The following FANCC variants were observed in gnomAD, a reference collection of about 807,000 sequenced individuals.
FANCC encodes Fanconi anemia group C protein.
FANCC carries 55 observed loss-of-function variants against 71.3 expected under a neutral mutation model. The ratio of observed to expected loss-of-function variants is 0.77; its 90% CI spans 0.62 to 0.97. The LOEUF is 0.97. Ranked by LOEUF, FANCC falls within the 50% of genes least tolerant of loss-of-function variation. FANCC has a pLI of 0.00. For missense variants in FANCC, 678 were observed against 670.9 expected (o/e 1.01, Z -0.12); for synonymous variants, 275 against 244.9 (o/e 1.12, Z -1.15).
At chr9:95,205,549 C>A (rs1050630230) in intron 4 of FANCC, among the ~76,000 whole-genome samples, 1 of 151,468 alleles carries the variant, frequency 6.6e-6, no homozygotes, top group African/African-American at 2.4e-5. Flanking sequence ...CTGTGTTTTT[C>A]CAAGTTTTTC....
At chr9:95,120,573 C>G (rs923051892) in intron 10 of FANCC, among the ~76,000 whole-genome samples, 52 of 151,946 alleles carry the variant, frequency 3.4e-4, no homozygotes, top group African/African-American at 1.2e-3. Flanking sequence ...ATCACCATGC[C>G]CAGCTAATTT....
rs1186692644 is a variant in FANCC at position 95,182,989 on chromosome 9, T to G, written c.346-10842A>C. 2.0e-5 allele frequency among the ~76,000 whole-genome samples: 3 copies of G among 152,044 alleles called. No homozygotes were observed. In the East Asian group the frequency reaches 5.8e-4, roughly 29 times the overall value. ...TACTCCAGCCTGCCCCTACATGGCC[T>G]CAGCCCGCCTGCGCAAACTCACTTC... On this transcript the variant is annotated intron_variant, in intron 4 of 14. Transcript: ENST00000289081.
intron 7 of FANCC, among the ~76,000 whole-genome samples, chr9:95,143,791 CAGGA>C (rs1236766890): frequency 1.3e-5 from 2 of 152,158 alleles, no homozygotes; most frequent in African/African-American, 4.8e-5. Flanking sequence ...GCAGCCCGCC[CAGGA>C]AGGTTTTATG....
chr9:95,182,000 C>A (rs1826401819), intron 4 of FANCC, among the ~76,000 whole-genome samples: 1 of 152,128 alleles, frequency 6.6e-6, no homozygotes, highest in Non-Finnish European at 1.5e-5. Context: ...AAAGCTGGAG[C>A]AATGGGTTGT....
At chr9:95,144,692 C>A (rs1829282596) in intron 7 of FANCC, among the ~76,000 whole-genome samples, 1 of 152,174 alleles carries the variant, frequency 6.6e-6, no homozygotes, top group Admixed American at 6.5e-5. Flanking sequence ...AAGGGAGCTG[C>A]CACAGTGAAA....
intron 7 of FANCC, among the ~76,000 whole-genome samples, chr9:95,143,833 C>T (rs1489198049): frequency 1.3e-5 from 2 of 152,184 alleles, no homozygotes; most frequent in African/African-American, 2.4e-5. Flanking sequence ...GTGCCTATGA[C>T]GGCAGCCCCA....
At chr9:95,274,983 G>C (rs1392707979) in intron 1 of FANCC, among the ~76,000 whole-genome samples, 1 of 151,934 alleles carries the variant, frequency 6.6e-6, no homozygotes, top group African/African-American at 2.4e-5. Context: ...AATAAAAACA[G>C]GCCAGGCGTG....
intron 1 of FANCC, among the ~76,000 whole-genome samples, chr9:95,251,396 A>G (rs1588357903): frequency 1.3e-5 from 2 of 151,908 alleles, no homozygotes; most frequent in Admixed American, 6.6e-5. Flanking sequence ...GTTCACTGCA[A>G]CCTCCACCTC....
rs934019502 is a variant in FANCC, at chr9:95,099,842, G to A, written c.*1865C>T. 9 of 232,864 alleles carry A rather than the reference G, an allele frequency of 3.9e-5. No individual in the cohort carries two copies. The highest frequency in any genetic ancestry group is 5.6e-5 in the Admixed American group (1 of 17,744). 14.4% of individuals were successfully genotyped at this position (232,864 alleles called of 1,614,324 possible). On this transcript the variant is annotated 3_prime_UTR_variant, in exon 15 of 15. Transcript: ENST00000289081. ...TTCCAGGCTAGGAAGAAGTCTTCCA[G>A]ATGCCTAGCTTCACCAGTCCCAGGA...
chr9:95,267,833 A>G (rs907495534), intron 1 of FANCC, among the ~76,000 whole-genome samples: 7 of 152,228 alleles, frequency 4.6e-5, no homozygotes, highest in South Asian at 2.1e-4. Context: ...AAAAAAATCA[A>G]CTGCAAAGTA....
At chr9:95,295,819 G>A (rs1235299449) in intron 1 of FANCC, among the ~76,000 whole-genome samples, 5 of 151,884 alleles carry the variant, frequency 3.3e-5, no homozygotes, top group Non-Finnish European at 7.4e-5. Context: ...GGGCTGGCAG[G>A]AGGGGAAATT....
intron 4 of FANCC, among the ~76,000 whole-genome samples, chr9:95,197,195 C>A (rs187933500): frequency 5.9e-5 from 9 of 152,176 alleles, no homozygotes; most frequent in African/African-American, 1.7e-4. Context: ...TTTTCTGACC[C>A]TTTGAAGCCC....
At chr9:95,237,423 T>C (rs1042120065) in intron 4 of FANCC, among the ~76,000 whole-genome samples, 1 of 152,210 alleles carries the variant, frequency 6.6e-6, no homozygotes, top group African/African-American at 2.4e-5. Flanking sequence ...ATCTGGCTGT[T>C]TCCCTCCACC....
intron 9 of FANCC, among the ~76,000 whole-genome samples, chr9:95,126,003 C>T (rs185058215): frequency 1.1e-3 from 175 of 152,314 alleles, no homozygotes; most frequent in Middle Eastern, 3.4e-3. Context: ...TCGTCTCTTG[C>T]CGTCTGTAAA....
rs75418333 is a variant in FANCC at position 95,116,205 on chromosome 9, C to T, written c.1072+1110G>A. Among the ~76,000 whole-genome samples, 272 of 152,332 alleles carry T rather than the reference C, an allele frequency of 1.8e-3. 1 individual carries two copies. The highest frequency in any genetic ancestry group is 6.4e-3 in the African/African-American group (265 of 41,568). ...AGTACATTTTCTGGAGCTCACTCAG[C>T]GTCCCCTGTTGGCTGACTTTAGGCT... On this transcript the variant is annotated intron_variant, in intron 11 of 14. Transcript: ENST00000289081.
chr9:95,112,825 T>C (rs1173199452), intron 12 of FANCC, among the ~76,000 whole-genome samples: 1 of 152,218 alleles, frequency 6.6e-6, no homozygotes, highest in African/African-American at 2.4e-5. Flanking sequence ...AAGGTCTGGA[T>C]TGAAGTGGGA....
Position 95,111,567 on chromosome 9 carries a change from C to T in FANCC, c.1225G>A (p.Glu409Lys), listed in dbSNP as rs1209529082. ...TCGGCTGCCGACATCAGTAATTGCT[C>T]TGCCACCATCTCAGCCCATCCTCCG... ...HFGGWAEMVA[E>K]QLLMSAAEPP... is the part of the protein sequence containing the mutation. Residue 409 changes from glutamate to lysine, a missense_variant, in exon 13 of 15, where the codon GAG becomes AAG. By Grantham distance (56) the Glu-to-Lys change is moderately conservative. Transcript: ENST00000289081. 1 of 1,614,216 alleles carries T rather than the reference C, an allele frequency of 6.2e-7. No homozygotes were observed.
At chr9:95,207,996 T>C (rs1210384517) in intron 4 of FANCC, among the ~76,000 whole-genome samples, 1 of 145,214 alleles carries the variant, frequency 6.9e-6, no homozygotes, top group South Asian at 2.3e-4. Flanking sequence ...TAAAAATCCA[T>C]CTTCTAATAA....
At chr9:95,150,775 C>T (rs532592227) in intron 6 of FANCC, among the ~76,000 whole-genome samples, 4 of 152,298 alleles carry the variant, frequency 2.6e-5, no homozygotes, top group Admixed American at 2.6e-4. Flanking sequence ...TCCTTCCACT[C>T]TTACCTTTGT....
Sources: gnomAD v4.1 joint callset for allele counts (sites outside exome capture counted in the v4.1 genomes callset) on GRCh38, gnomAD v4.1.1 for gene constraint, MANE v1.5 for transcripts, NCBI Gene and HGNC (gene_info 2026-07-23, HGNC 2026-07-21) for gene names.